The following NRG3 variants were observed in gnomAD, a reference collection of about 807,000 sequenced individuals.
NRG3 encodes neuregulin 3.
Under a neutral mutation model 66.9 loss-of-function variants are expected in NRG3, and 31 were observed. That is an observed-to-expected ratio of 0.46 (90% CI 0.35 to 0.63). The LOEUF (loss-of-function observed/expected upper bound fraction) is 0.63. NRG3 is among the 20% of genes least tolerant of loss of function. The pLI is 0.00. For synonymous variants in NRG3, 393 were observed against 359.4 expected, an observed-to-expected ratio of 1.09 and a Z score of -1.06; for missense variants, 910 against 878.9, an observed-to-expected ratio of 1.04 and a Z score of -0.45.
At chr10:82,389,946 T>C (rs1421502731) in intron 2 of NRG3, among the ~76,000 whole-genome samples, 1 of 152,204 alleles carries the variant, frequency 6.6e-6, no homozygotes, top group East Asian at 1.9e-4. Flanking sequence ...TTGGGCCATT[T>C]ATTGTACTGT....
chr10:82,225,823 A>G (rs1005782708), intron 1 of NRG3, among the ~76,000 whole-genome samples: 2 of 152,198 alleles, frequency 1.3e-5, no homozygotes, highest in African/African-American at 2.4e-5. Flanking sequence ...GAAAGTTTGT[A>G]TATAGTTTAT....
chr10:82,286,973 C>A (rs1339686417), intron 1 of NRG3, among the ~76,000 whole-genome samples: 1 of 152,166 alleles, frequency 6.6e-6, no homozygotes, highest in Non-Finnish European at 1.5e-5. Context: ...ATCTGGGACT[C>A]AGGGTGTGGC....
At chr10:82,933,278 G>T (rs1847761296) in intron 4 of NRG3, among the ~76,000 whole-genome samples, 1 of 152,054 alleles carries the variant, frequency 6.6e-6, no homozygotes, top group Non-Finnish European at 1.5e-5. Flanking sequence ...CTGGATCTTG[G>T]GAAGTAAGCA....
At chr10:82,652,329 A>C (rs1432432293) in intron 2 of NRG3, among the ~76,000 whole-genome samples, 1 of 151,986 alleles carries the variant, frequency 6.6e-6, no homozygotes, top group Non-Finnish European at 1.5e-5. Flanking sequence ...CATCTAGGAG[A>C]ATGGAGGTCA....
chr10:82,071,620 C>A (rs2064810643), intron 1 of NRG3, among the ~76,000 whole-genome samples: 1 of 152,090 alleles, frequency 6.6e-6, no homozygotes, highest in Non-Finnish European at 1.5e-5. Flanking sequence ...AAGAGAACCC[C>A]ATAGGCCATT....
chr10:82,512,231 A>C (rs1158374753), intron 2 of NRG3, among the ~76,000 whole-genome samples: 2 of 151,576 alleles, frequency 1.3e-5, no homozygotes, highest in African/African-American at 4.8e-5. Flanking sequence ...CTATATATAT[A>C]ATGAATATAC....
intron 2 of NRG3, among the ~76,000 whole-genome samples, chr10:82,399,193 G>A (rs1278287601): frequency 6.6e-6 from 1 of 152,046 alleles, no homozygotes; most frequent in Non-Finnish European, 1.5e-5. Flanking sequence ...AATAAGCAAA[G>A]AAACATAAAA....
Position 82,142,526 on chromosome 10 carries a change from C to G in NRG3, c.824-216213C>G, listed in dbSNP as rs890357138. Among the ~76,000 whole-genome samples, 4 of 152,078 alleles carry G rather than the reference C, an allele frequency of 2.6e-5. No individual in the cohort carries two copies. The East Asian group carries it at 5.8e-4, about 22-fold the overall frequency. On this transcript the variant is annotated intron_variant, in intron 1 of 8. Transcript: ENST00000372141. ...TTTCCTTTTCACTTATCAGTTTACA[C>G]GTTTCTAAGCTTAGAGTGGGGTATC... is the stretch of plus-strand genomic sequence containing the variant.
chr10:82,382,982 C>CTTATTAAT (rs1473261332), intron 2 of NRG3, among the ~76,000 whole-genome samples: 2 of 151,818 alleles, frequency 1.3e-5, no homozygotes, highest in Non-Finnish European at 2.9e-5. Flanking sequence ...GTGAGATTGG[C>CTTATTAAT]CTGGCCTAAT....
chr10:82,077,575 G>T (rs1477618542), intron 1 of NRG3, among the ~76,000 whole-genome samples: 1 of 152,172 alleles, frequency 6.6e-6, no homozygotes, highest in African/African-American at 2.4e-5. Flanking sequence ...CTTTCTGGAA[G>T]AAGTAGGGGT....
At chr10:82,521,930 A>G (rs1237459929) in intron 2 of NRG3, among the ~76,000 whole-genome samples, 3 of 152,100 alleles carry the variant, frequency 2.0e-5, no homozygotes, top group Non-Finnish European at 4.4e-5. Flanking sequence ...TCATCTGTTC[A>G]AGTTTTATCA....
chr10:82,777,564 C>T (rs886312379), intron 3 of NRG3, among the ~76,000 whole-genome samples: 7 of 152,250 alleles, frequency 4.6e-5, no homozygotes, highest in Non-Finnish European at 7.4e-5. Flanking sequence ...TCCTCAGTAG[C>T]TTGAAACCAA....
intron 3 of NRG3, among the ~76,000 whole-genome samples, chr10:82,805,733 G>A (rs1028941312): frequency 1.2e-4 from 18 of 152,170 alleles, no homozygotes; most frequent in African/African-American, 4.3e-4. Context: ...TTCCTGATGA[G>A]CTTATGACTT....
intron 3 of NRG3, among the ~76,000 whole-genome samples, chr10:82,761,862 T>C (rs1359332002): frequency 6.6e-6 from 1 of 151,502 alleles, no homozygotes; most frequent in Non-Finnish European, 1.5e-5. Flanking sequence ...TATTTTTTTC[T>C]TTTTCCTTTT....
At chr10:82,926,837 A>T (rs1301730409) in intron 4 of NRG3, among the ~76,000 whole-genome samples, 1 of 152,248 alleles carries the variant, frequency 6.6e-6, no homozygotes, top group Non-Finnish European at 1.5e-5. Flanking sequence ...CTGAAATGTG[A>T]ATAATCCTCA....
intron 3 of NRG3, among the ~76,000 whole-genome samples, chr10:82,794,516 G>C (rs539229802): frequency 1.3e-5 from 2 of 152,068 alleles, no homozygotes; most frequent in Non-Finnish European, 2.9e-5. Flanking sequence ...AGCCTAATCT[G>C]CTCATTTGTT....
intron 2 of NRG3, among the ~76,000 whole-genome samples, chr10:82,393,989 A>C (rs777188469): frequency 3.3e-5 from 5 of 152,240 alleles, no homozygotes; most frequent in Admixed American, 2.0e-4. Context: ...TCCTATGTAT[A>C]ATTGCACCTA....
intron 1 of NRG3, among the ~76,000 whole-genome samples, chr10:82,297,403 G>A (rs1317682878): frequency 6.6e-6 from 1 of 152,146 alleles, no homozygotes; most frequent in African/African-American, 2.4e-5. Context: ...AGTTTAGGAA[G>A]CTGATGGTGA....
At chr10:82,444,179 T>C (rs2090591717) in intron 2 of NRG3, among the ~76,000 whole-genome samples, 1 of 152,210 alleles carries the variant, frequency 6.6e-6, no homozygotes, top group Non-Finnish European at 1.5e-5. Context: ...ATCAGCTCAC[T>C]GTAACCTCCG....
Sources: gnomAD v4.1 joint callset for allele counts (sites outside exome capture counted in the v4.1 genomes callset) on GRCh38, gnomAD v4.1.1 for gene constraint, MANE v1.5 for transcripts, NCBI Gene and HGNC (gene_info 2026-07-23, HGNC 2026-07-21) for gene names.